Variants in TEAD1 observed in about 807,000 individuals in gnomAD.
The protein encoded by TEAD1 is TEA domain transcription factor 1.
Under a neutral mutation model 54.9 loss-of-function variants are expected in TEAD1, and 9 were observed. The observed-to-expected ratio is 0.16, with a 90% CI of 0.10 to 0.29. TEAD1 has a LOEUF of 0.29. Among genes scored for constraint, TEAD1 ranks in the 10% least tolerant of loss-of-function variants. The pLI is 1.00. For missense variants in TEAD1, 387 were observed against 535.9 expected (o/e 0.72, Z 2.74); for synonymous variants, 200 against 187.8 (o/e 1.07, Z -0.53).
In TEAD1 at chr11:12,936,620, G is replaced by A. The variant is rs140442669; in HGVS notation, c.1168-489G>A. Reference sequence around the variant, plus strand: ...CTTGGTATGTTAGCCTGATGTAATCGTCCCACAAGGTATATACATCTATCA... The same window carrying A: ...CTTGGTATGTTAGCCTGATGTAATCATCCCACAAGGTATATACATCTATCA... On this transcript the variant is annotated intron_variant, in intron 12 of 12. Transcript: ENST00000527636. Among the ~76,000 whole-genome samples the A allele has an allele frequency of 2.9e-3, 437 of 152,250 alleles. 2 individuals carry two copies. Among genetic ancestry groups the A allele is most frequent in the African/African-American group, 0.01 (419 of 41,538 alleles).
intron 3 of TEAD1, among the ~76,000 whole-genome samples, chr11:12,839,999 G>A (rs899010059): frequency 3.9e-5 from 6 of 152,016 alleles, no homozygotes; most frequent in African/African-American, 1.4e-4. Flanking sequence ...TGTAATCCAA[G>A]CACTTTGGGA....
At chr11:12,775,271 A>G (rs1169687873) in intron 3 of TEAD1, among the ~76,000 whole-genome samples, 1 of 152,128 alleles carries the variant, frequency 6.6e-6, no homozygotes, top group Non-Finnish European at 1.5e-5. Flanking sequence ...CAGAGCCACA[A>G]ATGATGGAAG....
At chr11:12,702,093 G>C (rs1943715488) in intron 2 of TEAD1, among the ~76,000 whole-genome samples, 1 of 152,174 alleles carries the variant, frequency 6.6e-6, no homozygotes, top group Non-Finnish European at 1.5e-5. Flanking sequence ...AGAGCCAACT[G>C]ATGTTACTTT....
At chr11:12,885,339 C>T (rs1948065823) in intron 9 of TEAD1, among the ~76,000 whole-genome samples, 1 of 151,048 alleles carries the variant, frequency 6.6e-6, no homozygotes, top group African/African-American at 2.4e-5. Flanking sequence ...GGGTTCACGC[C>T]ATTCTCCTGC....
chr11:12,831,993 T>C (rs780639528), intron 3 of TEAD1, among the ~76,000 whole-genome samples: 82 of 152,058 alleles, frequency 5.4e-4, no homozygotes, highest in Non-Finnish European at 1.0e-3. Context: ...CCCGGCAAGT[T>C]TCTTAGCACT....
chr11:12,828,840 ATTT>A (rs58995760), intron 3 of TEAD1, among the ~76,000 whole-genome samples: 35 of 128,514 alleles, frequency 2.7e-4, no homozygotes, highest in African/African-American at 9.1e-4. Context: ...TTTGTCCTGA[ATTT>A]TTTTTTTTTT....
At chr11:12,714,765 CTTG>C (rs1316108031) in intron 2 of TEAD1, among the ~76,000 whole-genome samples, 1 of 152,156 alleles carries the variant, frequency 6.6e-6, no homozygotes, top group Admixed American at 6.5e-5. Flanking sequence ...CGAGGCCCCT[CTTG>C]TTGGCCTGCA....
chr11:12,752,213 G>GTTTTTTTTTTTTT (rs35143229), intron 2 of TEAD1, among the ~76,000 whole-genome samples: 1 of 101,030 alleles, frequency 9.9e-6, no homozygotes, highest in African/African-American at 3.7e-5. Flanking sequence ...AAACAGGGCA[G>GTTTTTTTTTTTTT]TTTTTTTTTT....
intron 10 of TEAD1, among the ~76,000 whole-genome samples, chr11:12,916,985 A>G (rs912131426): frequency 1.1e-4 from 17 of 152,324 alleles, no homozygotes; most frequent in Middle Eastern, 3.4e-3. Flanking sequence ...GCTCATTTCA[A>G]CTTAACAGAT....
chr11:12,871,855 A>G (rs1370592008), intron 5 of TEAD1, among the ~76,000 whole-genome samples: 1 of 152,182 alleles, frequency 6.6e-6, no homozygotes, highest in Non-Finnish European at 1.5e-5. Flanking sequence ...AGATGTATTC[A>G]CGTCAGGCTC....
chr11:12,907,645 T>G (rs1948543567), intron 10 of TEAD1, among the ~76,000 whole-genome samples: 1 of 152,210 alleles, frequency 6.6e-6, no homozygotes, highest in African/African-American at 2.4e-5. Context: ...AACCTGACGC[T>G]TAACTGGTAC....
chr11:12,676,706 T>G (rs1943100797), intron 2 of TEAD1, among the ~76,000 whole-genome samples: 1 of 152,248 alleles, frequency 6.6e-6, no homozygotes, highest in African/African-American at 2.4e-5. Context: ...GTTGAATTTT[T>G]GGGGAAAGGC....
At chr11:12,888,890 CTG>C (rs967338567) in intron 9 of TEAD1, among the ~76,000 whole-genome samples, 1 of 152,166 alleles carries the variant, frequency 6.6e-6, no homozygotes, top group African/African-American at 2.4e-5. Flanking sequence ...GATGAGTAGT[CTG>C]TTTTTGTAGC....
intron 3 of TEAD1, chr11:12,823,706 T>A (rs989086363): frequency 6.6e-6 from 1 of 152,234 alleles, no homozygotes; most frequent in Admixed American, 6.5e-5. Context: ...TAGTGTTACA[T>A]CACTGGAGTT....
At chr11:12,783,098 TTGTGTG>T (rs34564715) in intron 3 of TEAD1, among the ~76,000 whole-genome samples, 49 of 139,356 alleles carry the variant, frequency 3.5e-4, no homozygotes, top group African/African-American at 9.0e-4. Context: ...AGGTAAGGGT[TTGTGTG>T]TGTGTGTGTG....
chr11:12,864,278 C>T (rs748454577), intron 4 of TEAD1, among the ~76,000 whole-genome samples: 1 of 152,152 alleles, frequency 6.6e-6, no homozygotes, highest in Non-Finnish European at 1.5e-5. Context: ...GGGATTTTCC[C>T]TCCTGATACT....
chr11:12,925,614 C>A (rs2134163745), intron 11 of TEAD1, among the ~76,000 whole-genome samples: 1 of 152,298 alleles, frequency 6.6e-6, no homozygotes, highest in Admixed American at 6.5e-5. Context: ...ATAGGATGTC[C>A]CGTGCCAGTC....
chr11:12,826,609 C>T (rs1374716348), intron 3 of TEAD1, among the ~76,000 whole-genome samples: 5 of 152,188 alleles, frequency 3.3e-5, no homozygotes, highest in Non-Finnish European at 7.4e-5. Context: ...TCACCTCTTA[C>T]CGGTTTTGCA....
chr11:12,687,408 A>G (rs537566388), intron 2 of TEAD1, among the ~76,000 whole-genome samples: 59 of 152,330 alleles, frequency 3.9e-4, no homozygotes, highest in African/African-American at 1.4e-3. Flanking sequence ...TCAAGCCCAT[A>G]TAAGAGTTGA....
Sources: gnomAD v4.1 joint callset for allele counts (sites outside exome capture counted in the v4.1 genomes callset) on GRCh38, gnomAD v4.1.1 for gene constraint, MANE v1.5 for transcripts, NCBI Gene and HGNC (gene_info 2026-07-23, HGNC 2026-07-21) for gene names.